Variants in LCA5 observed in about 807,000 individuals in gnomAD.
The protein encoded by LCA5 is lebercilin.
A neutral mutation model predicts 53.0 loss-of-function variants in LCA5; 37 were observed. The ratio of observed to expected loss-of-function variants is 0.70; its 90% CI spans 0.54 to 0.92. LCA5 has a LOEUF of 0.92. Among genes scored for constraint, LCA5 ranks in the 40% least tolerant of loss-of-function variants. LCA5 has a pLI of 0.00. For synonymous variants in LCA5, 303 were observed against 282.9 expected (o/e 1.07, Z -0.71); for missense variants, 806 against 790.5 (o/e 1.02, Z -0.23).
chr6:79,491,575 C>A lies in LCA5; in HGVS notation c.1098+13G>T, dbSNP rs1343378112. ...AGACCGAGTTTGGTACATAACAATA[C>A]TGCTAAACTCACCAAAGTAAGATGT... On this transcript the variant is annotated intron_variant, in intron 6 of 7. Coordinates refer to ENST00000369846, the MANE Select transcript of LCA5 (RefSeq NM_001122769.3). 1 of 1,612,072 alleles carries A rather than the reference C, an allele frequency of 6.2e-7. No homozygotes were observed. Among genetic ancestry groups the A allele is most frequent in the Non-Finnish European group, 8.5e-7 (1 of 1,178,506 alleles).
chr6:79,506,808 T>C (rs1770282443), intron 3 of LCA5, among the ~76,000 whole-genome samples: 1 of 152,316 alleles, frequency 6.6e-6, no homozygotes, highest in South Asian at 2.1e-4. Flanking sequence ...GAATATACAA[T>C]GGGGTTTTCC....
chr6:79,520,671 A>C (rs1766599793), intron 1 of LCA5, among the ~76,000 whole-genome samples: 1 of 152,194 alleles, frequency 6.6e-6, no homozygotes, highest in Non-Finnish European at 1.5e-5. Flanking sequence ...TAAGTAGAAA[A>C]CTAAAACAAT....
At chr6:79,511,131 C>A (rs973564697) in intron 3 of LCA5, among the ~76,000 whole-genome samples, 6 of 151,804 alleles carry the variant, frequency 4.0e-5, no homozygotes, top group Admixed American at 3.9e-4. Context: ...AGCAAGTGCA[C>A]TTTCAGGCAT....
In LCA5 at chr6:79,537,376, G is replaced by C. The variant is rs1300896695; in HGVS notation, c.-403C>G. 6.5e-6 allele frequency: 1 copy of C among 152,724 alleles called. No homozygotes were observed. Among genetic ancestry groups the C allele is most frequent in the Admixed American group, 6.5e-5 (1 of 15,292 alleles). 9.5% of individuals were successfully genotyped at this position (152,724 alleles called of 1,614,324 possible). A position where few individuals can be genotyped will look rare whatever the true frequency, so the allele number is the denominator to read the frequency against. On this transcript the variant is annotated 5_prime_UTR_variant, in exon 1 of 8. Transcript: ENST00000369846. ...GACAGAGGCGAGGATCGGGGCTCCT[G>C]GGTGGCAGCGGCGGTAACCTGGGCT...
At chr6:79,489,572 G>T (rs1254792044) in intron 6 of LCA5, among the ~76,000 whole-genome samples, 2 of 151,970 alleles carry the variant, frequency 1.3e-5, no homozygotes, top group Non-Finnish European at 2.9e-5. Flanking sequence ...ATGACTATTC[G>T]CCAACTATGT....
chr6:79,528,717 C>T (rs2127688554), intron 1 of LCA5, among the ~76,000 whole-genome samples: 1 of 152,300 alleles, frequency 6.6e-6, no homozygotes, highest in Non-Finnish European at 1.5e-5. Flanking sequence ...TTAACTACAT[C>T]TATTATAATC....
At chr6:79,488,180 G>A (rs1769727147) in intron 7 of LCA5, 1 of 258,846 alleles carries the variant, frequency 3.9e-6, no homozygotes, top group Non-Finnish European at 7.2e-6. Flanking sequence ...TGGATAGATG[G>A]AGCAAAGACT....
At position 79,518,867 on chromosome 6, in the gene LCA5, T is replaced by C. The variant is rs745619400; in HGVS notation, c.28A>G (p.Thr10Ala). Residue 10 changes from threonine (T) to alanine (A), a missense_variant, in exon 2 of 8, where the codon ACT becomes GCT. Physicochemically the swap from Thr to Ala is moderately conservative, Grantham distance 58. Transcript: ENST00000369846. MGERAGSPGTDQERKAGKHH... is the reference protein window; with the variant it reads MGERAGSPGADQERKAGKHH... The stretch of plus-strand genomic sequence containing the variant: ...TTGCCTGCCTTTCTTTCTTGATCAG[T>C]ACCTGGACTTCCTGCTCTTTCCCCC... 2.0e-5 allele frequency: 33 copies of C among 1,614,036 alleles called. No homozygotes were observed. The highest frequency in any genetic ancestry group is 2.6e-5 in the Non-Finnish European group (31 of 1,180,002).
chr6:79,501,288 G>A (rs556806255), intron 3 of LCA5, among the ~76,000 whole-genome samples: 2 of 152,124 alleles, frequency 1.3e-5, no homozygotes, highest in South Asian at 4.1e-4. Flanking sequence ...AACCTGTCAA[G>A]AACATATCCA....
At chr6:79,518,564 T>C (rs1411112786) in intron 2 of LCA5, 141 bp downstream of exon 2, 1 of 730,858 alleles carries the variant, frequency 1.4e-6, no homozygotes, top group East Asian at 2.7e-5. Flanking sequence ...TATAAGTATA[T>C]AACCTATAAA....
chr6:79,516,875 T>C (rs1447956734), intron 2 of LCA5, among the ~76,000 whole-genome samples: 1 of 151,912 alleles, frequency 6.6e-6, no homozygotes, highest in Non-Finnish European at 1.5e-5. Flanking sequence ...TATGTTAATA[T>C]TATTGAAAAA....
intron 3 of LCA5, among the ~76,000 whole-genome samples, chr6:79,512,276 T>C (rs1301645383): frequency 3.9e-5 from 6 of 152,138 alleles, no homozygotes; most frequent in Non-Finnish European, 7.4e-5. Context: ...CATAATAGGA[T>C]ATCTTCTGTG....
At chr6:79,519,650 G>A (rs559177691) in intron 1 of LCA5, among the ~76,000 whole-genome samples, 3 of 149,486 alleles carry the variant, frequency 2.0e-5, no homozygotes, top group Non-Finnish European at 3.0e-5. Flanking sequence ...CCAGGAGGCC[G>A]AGGTTGCAGT....
intron 1 of LCA5, among the ~76,000 whole-genome samples, chr6:79,526,763 T>C (rs1465877031): frequency 6.6e-6 from 1 of 152,076 alleles, no homozygotes; most frequent in African/African-American, 2.4e-5. Context: ...CAAACTAATC[T>C]TAAAAACTAA....
intron 3 of LCA5, among the ~76,000 whole-genome samples, chr6:79,504,986 A>G (rs918324747): frequency 2.0e-5 from 3 of 152,214 alleles, no homozygotes; most frequent in African/African-American, 7.2e-5. Flanking sequence ...TTGCACACAT[A>G]GCAACAATTT....
At chr6:79,528,152 C>G (rs1766846171) in intron 1 of LCA5, among the ~76,000 whole-genome samples, 1 of 152,284 alleles carries the variant, frequency 6.6e-6, no homozygotes, top group South Asian at 2.1e-4. Flanking sequence ...CATGTTGGCT[C>G]TATACCAGAA....
chr6:79,487,092 C>A lies in LCA5; in HGVS notation c.2006G>T (p.Arg669Met), dbSNP rs371733166. The change falls in exon 8 of 8, where the codon AGG (arginine) becomes ATG (methionine). Residue 669 changes from arginine (R) to methionine (M), a missense_variant. Transcript: ENST00000369846. ...ATCGTCTGCATGTTTTAATCGGTGC[C>A]TATTTGGATTAAAACTTCTTCCTTC... ...LSEGRSFNPNRHRLKHADDKP... is the reference protein window; with the variant it reads ...LSEGRSFNPNMHRLKHADDKP... The A allele has an allele frequency of 2.1e-4, 338 of 1,613,424 alleles. No homozygotes were observed. Among genetic ancestry groups the A allele is most frequent in the Non-Finnish European group, 2.7e-4 (313 of 1,179,532 alleles).
intron 3 of LCA5, among the ~76,000 whole-genome samples, chr6:79,507,823 A>G (rs1434353429): frequency 6.6e-6 from 1 of 152,122 alleles, no homozygotes; most frequent in African/African-American, 2.4e-5. Context: ...AATGCTATAT[A>G]AACTGCATGC....
intron 3 of LCA5, among the ~76,000 whole-genome samples, chr6:79,504,575 C>A (rs980846888): frequency 6.6e-6 from 1 of 152,196 alleles, no homozygotes; most frequent in Admixed American, 6.6e-5. Flanking sequence ...ACTGGGTGAA[C>A]TCTGTGACTG....
Sources: allele counts gnomAD v4.1 joint callset (sites outside exome capture counted in the v4.1 genomes callset), GRCh38; gene constraint gnomAD v4.1.1; transcripts MANE v1.5; gene names NCBI Gene and HGNC (gene_info 2026-07-23, HGNC 2026-07-21).